ST6GALNAC2: variants seen among roughly 807,000 people sequenced by gnomAD.
ST6GALNAC2 encodes the protein alpha-N-acetylgalactosaminide alpha-2,6-sialyltransferase 2.
In ST6GALNAC2, 42 loss-of-function variants were observed where a neutral mutation model predicts 38.7. The observed-to-expected ratio is 1.09, with a 90% CI of 0.85 to 1.40. The LOEUF is 1.40. Among genes scored for constraint, ST6GALNAC2 ranks in the 40% most tolerant of loss-of-function variants. The pLI, the probability that ST6GALNAC2 is intolerant of heterozygous loss-of-function variation, is 0.00. For missense variants in ST6GALNAC2, 506 were observed against 481.7 expected, an observed-to-expected ratio of 1.05 and a Z score of -0.47; for synonymous variants, 233 against 209.0, an observed-to-expected ratio of 1.11 and a Z score of -0.99.
At chr17:76,570,348 C>T (rs560437524) in intron 6 of ST6GALNAC2, 183 of 542,058 alleles carry the variant, frequency 3.4e-4, no homozygotes, top group African/African-American at 3.2e-3. Flanking sequence ...ACTGGGAACC[C>T]GGAGGGTCAC....
intron 1 of ST6GALNAC2, among the ~76,000 whole-genome samples, chr17:76,582,382 A>G (rs1598263398): frequency 4.5e-5 from 1 of 22,228 alleles, no homozygotes; most frequent in African/African-American, 1.2e-4. Context: ...GGGTTTTGCC[A>G]TGTTTCAAAC....
intron 3 of ST6GALNAC2, 38 bp downstream of exon 3, chr17:76,574,327 A>G: frequency 1.3e-6 from 2 of 1,593,794 alleles, no homozygotes; most frequent in South Asian, 1.1e-5. Flanking sequence ...CAGGAAGCTA[A>G]GGCAGAAGGC....
At chr17:76,578,410 G>T (rs780756411) in intron 2 of ST6GALNAC2, among the ~76,000 whole-genome samples, 6 of 152,114 alleles carry the variant, frequency 3.9e-5, no homozygotes, top group Non-Finnish European at 7.3e-5. Flanking sequence ...TTTGCTCCAG[G>T]GTGAGCAGTT....
At chr17:76,576,702 G>A (rs1171088036) in intron 2 of ST6GALNAC2, among the ~76,000 whole-genome samples, 1 of 152,132 alleles carries the variant, frequency 6.6e-6, no homozygotes, top group Non-Finnish European at 1.5e-5. Flanking sequence ...CGGGCACGGT[G>A]GCTCATGCCT....
intron 5 of ST6GALNAC2, 103 bp from the exon 6 acceptor site, chr17:76,570,771 A>T: frequency 1.2e-6 from 1 of 842,928 alleles, no homozygotes; most frequent in African/African-American, 1.7e-5. Context: ...CCGACTGGAG[A>T]ATTTCCCTTA....
intron 8 of ST6GALNAC2, among the ~76,000 whole-genome samples, chr17:76,567,162 G>C (rs1297337906): frequency 6.6e-6 from 1 of 152,192 alleles, no homozygotes; most frequent in Non-Finnish European, 1.5e-5. Context: ...ATACTGAGTG[G>C]CTGCCTTGGA....
At chr17:76,566,529 C>G (rs1387775324) in intron 8 of ST6GALNAC2, among the ~76,000 whole-genome samples, 1 of 152,072 alleles carries the variant, frequency 6.6e-6, no homozygotes, top group Non-Finnish European at 1.5e-5. Flanking sequence ...TCTCTCCATC[C>G]TAACTGGGGA....
intron 1 of ST6GALNAC2, among the ~76,000 whole-genome samples, chr17:76,583,812 C>CTT (rs71158029): frequency 0.073 from 9,913 of 136,088 alleles, 500 homozygotes; most frequent in South Asian, 0.17. Flanking sequence ...TGTGATATTT[C>CTT]TTTTTTTTTT....
rs1316879949 is a variant in ST6GALNAC2, at chr17:76,565,605, G to T, written c.*499C>A. On this transcript the variant is annotated 3_prime_UTR_variant, in exon 9 of 9. Coordinates refer to ENST00000225276, the MANE Select transcript of ST6GALNAC2 (RefSeq NM_006456.3). ...AAAAAAATGGTCCATCATGTACGCA[G>T]TTATCTAGTCTTAAGTTATATTCTG... 2 of 152,816 alleles carry T rather than the reference G, an allele frequency of 1.3e-5. No homozygotes were observed. Among genetic ancestry groups the T allele is most frequent in the African/African-American group, 4.8e-5 (2 of 41,286 alleles). The allele number at this position is 152,816 out of a possible 1,614,324, so 9.5% of individuals were successfully genotyped here. A position where few individuals can be genotyped will look rare whatever the true frequency, so the allele number is the denominator to read the frequency against.
intron 1 of ST6GALNAC2, among the ~76,000 whole-genome samples, chr17:76,581,605 C>T (rs1051270288): frequency 1.3e-5 from 2 of 152,096 alleles, no homozygotes; most frequent in Non-Finnish European, 2.9e-5. Context: ...CCTGAACTAC[C>T]CACCCTCAGG....
At chr17:76,580,307 A>G (rs1245727983) in intron 1 of ST6GALNAC2, among the ~76,000 whole-genome samples, 1 of 152,082 alleles carries the variant, frequency 6.6e-6, no homozygotes, top group African/African-American at 2.4e-5. Context: ...AATCCCAGCT[A>G]CTTGGGAAGC....
intron 1 of ST6GALNAC2, 122 bp from the exon 2 acceptor site, chr17:76,578,938 G>A: frequency 1.3e-6 from 1 of 744,988 alleles, no homozygotes; most frequent in Admixed American, 3.1e-5. Context: ...CCATCGTGGT[G>A]GCTCACATCT....
rs536436946 is a variant in ST6GALNAC2, at chr17:76,571,454, C to T, written c.670-786G>A. On this transcript the variant is annotated intron_variant, in intron 5 of 8. Transcript: ENST00000225276. Reference sequence around the variant, plus strand: ...ACTAAAAATACAAAAATTAGCCAGGCGTGGTGGTGCGTGCCTGTAATCCCA... The same window carrying T: ...ACTAAAAATACAAAAATTAGCCAGGTGTGGTGGTGCGTGCCTGTAATCCCA... Among the ~76,000 whole-genome samples the T allele has an allele frequency of 1.1e-4, 16 of 152,250 alleles. No homozygotes were observed. The South Asian group carries it at 1.9e-3, about 18-fold the overall frequency.
chr17:76,580,152 G>A (rs1404059828), intron 1 of ST6GALNAC2, among the ~76,000 whole-genome samples: 7 of 152,174 alleles, frequency 4.6e-5, no homozygotes, highest in Admixed American at 4.6e-4. Flanking sequence ...CAGGCACGGT[G>A]GCTCATGCCT....
chr17:76,570,610 G>T lies in ST6GALNAC2; in HGVS notation c.728C>A (p.Ala243Asp), dbSNP rs1019652532. Residue 243 changes from alanine (A) to aspartate (D), a missense_variant, in exon 6 of 9, where the codon GCC (alanine) becomes GAC (aspartate). Transcript: ENST00000225276. ...CTCAGGGACAGGCACGCCCAGAATG[G>T]CCGATCTCAGCATCACATAGTCGCG... Reference protein sequence around the residue: ...DIRDYVMLRSAILGVPVPEGL... With the variant: ...DIRDYVMLRSDILGVPVPEGL... The T allele has an allele frequency of 1.9e-6, 3 of 1,613,272 alleles. No individual in the cohort carries two copies. Among genetic ancestry groups the T allele is most frequent in the Middle Eastern group, 1.7e-4 (1 of 6,054 alleles).
At chr17:76,574,587 G>A in intron 2 of ST6GALNAC2, 48 bp from the exon 3 acceptor site, 1 of 1,416,886 alleles carries the variant, frequency 7.1e-7, no homozygotes, top group Non-Finnish European at 9.7e-7. Flanking sequence ...AGGGGCTGGG[G>A]TGGGTGGGGC....
Position 76,566,111 on chromosome 17 carries a change from T to G in ST6GALNAC2, c.1118A>C (p.Gln373Pro). 4.3e-6 allele frequency: 7 copies of G among 1,613,954 alleles called. No individual in the cohort carries two copies. Among genetic ancestry groups the G allele is most frequent in the Non-Finnish European group, 5.9e-6 (7 of 1,179,924 alleles). The change falls in exon 9 of 9, where the codon CAG (glutamine) becomes CCG (proline). Residue 373 changes from glutamine to proline, a missense_variant. Physicochemically the swap from Gln to Pro is moderately conservative, Grantham distance 76. Coordinates refer to ENST00000225276, the MANE Select transcript of ST6GALNAC2 (RefSeq NM_006456.3). ...LHKAGILQLY[Q>P]R is the part of the protein sequence containing the mutation. ...GGGCTCAGTGCATTGGGGTCAGCGC[T>G]GGTACAGCTGAAGGATGCCGGCCTT...
chr17:76,567,676 T>C (rs1262571235), intron 7 of ST6GALNAC2, 124 bp from the exon 8 acceptor site: 4 of 660,388 alleles, frequency 6.1e-6, no homozygotes, highest in East Asian at 2.7e-5. Context: ...GTCAGTTCTT[T>C]ATTCGGTCCA....
intron 2 of ST6GALNAC2, among the ~76,000 whole-genome samples, chr17:76,576,900 G>T (rs2075422259): frequency 2.0e-5 from 3 of 150,914 alleles, no homozygotes; most frequent in Admixed American, 6.6e-5. Context: ...AACGTGGGAG[G>T]CGGAGGTTGC....
Sources: allele counts gnomAD v4.1 joint callset (sites outside exome capture counted in the v4.1 genomes callset), GRCh38; gene constraint gnomAD v4.1.1; transcripts MANE v1.5; gene names NCBI Gene and HGNC (gene_info 2026-07-23, HGNC 2026-07-21).